The following GPC6 variants were observed in gnomAD, a reference collection of about 807,000 sequenced individuals.
GPC6 encodes the protein glypican-6.
In GPC6, 14 loss-of-function variants were observed where a neutral mutation model predicts 55.2. That is an observed-to-expected ratio of 0.25 (90% CI 0.17 to 0.40). The LOEUF (loss-of-function observed/expected upper bound fraction) is 0.40. Among genes scored for constraint, GPC6 ranks in the 10% least tolerant of loss-of-function variants. The pLI is 1.00. For missense variants in GPC6, 641 were observed against 708.5 expected (o/e 0.90, Z 1.08); for synonymous variants, 278 against 259.6 (o/e 1.07, Z -0.68).
At position 93,560,057 on chromosome 13, in the gene GPC6, C is replaced by G. The variant is rs143725197; in HGVS notation, c.319+14636C>G. Among the ~76,000 whole-genome samples the G allele has an allele frequency of 6.1e-3, 928 of 152,194 alleles. 7 individuals are homozygous for G. The highest frequency in any genetic ancestry group is 0.021 in the African/African-American group (873 of 41,546). ...ACAGTCTACACAGAAAATGTCAGAA[C>G]TCAATAAAAACAGTGCAACAGTCTT... On this transcript the variant is annotated intron_variant, in intron 2 of 8. Coordinates refer to ENST00000377047, the MANE Select transcript of GPC6 (RefSeq NM_005708.5).
intron 2 of GPC6, among the ~76,000 whole-genome samples, chr13:93,596,604 TAA>T (rs1491531104): frequency 3.7e-3 from 211 of 57,656 alleles, no homozygotes; most frequent in Middle Eastern, 0.02. Context: ...AATAAATAAA[TAA>T]ATAAATATAT....
At position 93,799,660 on chromosome 13, in the gene GPC6, G is replaced by A. The variant is rs1886307169; in HGVS notation, c.320-30494G>A. On this transcript the variant is annotated intron_variant, in intron 2 of 8. Coordinates refer to ENST00000377047, the MANE Select transcript of GPC6 (RefSeq NM_005708.5). Reference sequence around the variant, plus strand: ...TCTTAACTTGCTCTATGACTCCTTTGTCTCTGGTTCCTTTTCAGTAAAAGA... The same window carrying A: ...TCTTAACTTGCTCTATGACTCCTTTATCTCTGGTTCCTTTTCAGTAAAAGA... Among the ~76,000 whole-genome samples the A allele has an allele frequency of 2.0e-5, 3 of 152,190 alleles. No homozygotes were observed. The South Asian group carries it at 6.2e-4, about 31-fold the overall frequency.
chr13:93,344,924 G>A (rs1880378222), intron 1 of GPC6, among the ~76,000 whole-genome samples: 2 of 152,070 alleles, frequency 1.3e-5, no homozygotes, highest in Non-Finnish European at 2.9e-5. Context: ...TAAACTAGAG[G>A]CAATATGCCT....
chr13:93,448,256 T>C (rs1218204369), intron 1 of GPC6, among the ~76,000 whole-genome samples: 1 of 152,180 alleles, frequency 6.6e-6, no homozygotes, highest in Non-Finnish European at 1.5e-5. Context: ...GTGAAATACT[T>C]ATCATTGTGG....
At chr13:93,346,655 A>G (rs975787195) in intron 1 of GPC6, among the ~76,000 whole-genome samples, 1 of 152,142 alleles carries the variant, frequency 6.6e-6, no homozygotes, top group African/African-American at 2.4e-5. Context: ...ACATGAACCT[A>G]TGTTTTACTG....
intron 2 of GPC6, among the ~76,000 whole-genome samples, chr13:93,716,915 G>T (rs1883270557): frequency 6.6e-6 from 1 of 151,486 alleles, no homozygotes; most frequent in Admixed American, 6.6e-5. Flanking sequence ...TCTGTGTCTG[G>T]ATGCACAAAT....
At chr13:93,774,584 G>T (rs1885404591) in intron 2 of GPC6, among the ~76,000 whole-genome samples, 1 of 152,026 alleles carries the variant, frequency 6.6e-6, no homozygotes, top group African/African-American at 2.4e-5. Context: ...ACTTTCTCAG[G>T]AACTCTCTTT....
At chr13:93,898,964 T>TACAC (rs1383177895) in intron 3 of GPC6, among the ~76,000 whole-genome samples, 7 of 143,004 alleles carry the variant, frequency 4.9e-5, no homozygotes, top group African/African-American at 1.9e-4. Flanking sequence ...TATATATATA[T>TACAC]ATACACACAC....
intron 1 of GPC6, among the ~76,000 whole-genome samples, chr13:93,262,208 G>T (rs1193776287): frequency 6.6e-6 from 1 of 151,958 alleles, no homozygotes; most frequent in Non-Finnish European, 1.5e-5. Flanking sequence ...CCTTTCTCAG[G>T]TCCAGATGTC....
chr13:94,127,250 T>G (rs1192206175), intron 4 of GPC6, among the ~76,000 whole-genome samples: 1 of 152,116 alleles, frequency 6.6e-6, no homozygotes, highest in Non-Finnish European at 1.5e-5. Flanking sequence ...AAATCTCATG[T>G]TGAATTGTAA....
intron 4 of GPC6, among the ~76,000 whole-genome samples, chr13:94,237,676 C>T (rs571015062): frequency 1.3e-5 from 2 of 152,070 alleles, no homozygotes; most frequent in Middle Eastern, 3.4e-3. Context: ...CATAACAGAA[C>T]GAAGGCTGGT....
At chr13:93,879,149 T>C (rs1004697846) in intron 3 of GPC6, among the ~76,000 whole-genome samples, 3 of 152,124 alleles carry the variant, frequency 2.0e-5, no homozygotes, top group African/African-American at 7.2e-5. Flanking sequence ...TTCTGCATTC[T>C]TCACGTAGTT....
chr13:93,800,660 T>A (rs1233800864), intron 2 of GPC6, among the ~76,000 whole-genome samples: 1 of 152,228 alleles, frequency 6.6e-6, no homozygotes, highest in Non-Finnish European at 1.5e-5. Context: ...TGATTTTCTA[T>A]GAGAATGTGG....
chr13:94,136,186 C>CTTT (rs11321467), intron 4 of GPC6, among the ~76,000 whole-genome samples: 3 of 138,912 alleles, frequency 2.2e-5, no homozygotes, highest in Non-Finnish European at 3.1e-5. Flanking sequence ...AGTTTAGCAT[C>CTTT]TTTTTTTTTT....
intron 4 of GPC6, among the ~76,000 whole-genome samples, chr13:94,097,428 AC>A (rs1271374153): frequency 6.8e-6 from 1 of 148,040 alleles, no homozygotes; most frequent in Non-Finnish European, 1.5e-5. Flanking sequence ...AATGGCGTGA[AC>A]CCGGGAGGCG....
chr13:93,725,794 TA>T (rs1397416924), intron 2 of GPC6, among the ~76,000 whole-genome samples: 1 of 151,946 alleles, frequency 6.6e-6, no homozygotes, highest in East Asian at 1.9e-4. Context: ...ATACCAAAAA[TA>T]AAAAGAAGAA....
intron 6 of GPC6, among the ~76,000 whole-genome samples, chr13:94,339,103 C>T (rs1199924417): frequency 6.6e-6 from 1 of 151,548 alleles, no homozygotes; most frequent in Non-Finnish European, 1.5e-5. Context: ...CTTGCTCTGT[C>T]ATCCAGGCTA....
intron 1 of GPC6, among the ~76,000 whole-genome samples, chr13:93,381,883 T>C (rs1875188627): frequency 6.6e-6 from 1 of 152,150 alleles, no homozygotes; most frequent in East Asian, 1.9e-4. Context: ...GCTGACTACT[T>C]ACCAGTCATA....
intron 3 of GPC6, among the ~76,000 whole-genome samples, chr13:93,986,243 G>A (rs1404318562): frequency 1.3e-5 from 2 of 152,082 alleles, no homozygotes; most frequent in Non-Finnish European, 2.9e-5. Context: ...CACTCTATTT[G>A]CTTATTCTTT....
Sources: gnomAD v4.1 joint callset for allele counts (sites outside exome capture counted in the v4.1 genomes callset) on GRCh38, gnomAD v4.1.1 for gene constraint, MANE v1.5 for transcripts, NCBI Gene and HGNC (gene_info 2026-07-23, HGNC 2026-07-21) for gene names.